ASB15: variants seen among roughly 807,000 people sequenced by gnomAD.
ASB15 encodes ankyrin repeat and SOCS box protein 15.
Under a neutral mutation model 58.0 loss-of-function variants are expected in ASB15, and 54 were observed. The ratio of observed to expected loss-of-function variants is 0.93; its 90% CI spans 0.75 to 1.17. The LOEUF (loss-of-function observed/expected upper bound fraction) is 1.17, where lower values mean the gene tolerates loss of function less well. Among genes scored for constraint, ASB15 ranks in the 50% most tolerant of loss-of-function variants. The probability of loss-of-function intolerance (pLI) is 0.00; values close to 1 mark genes in which losing one functional copy is unlikely to be tolerated. For synonymous variants in ASB15, 249 were observed against 262.4 expected, an observed-to-expected ratio of 0.95 and a Z score of 0.50; for missense variants, 680 against 707.4, an observed-to-expected ratio of 0.96 and a Z score of 0.44.
intron 1 of ASB15, among the ~76,000 whole-genome samples, chr7:123,592,571 C>T (rs1799570088): frequency 6.6e-6 from 1 of 152,196 alleles, no homozygotes; most frequent in Non-Finnish European, 1.5e-5. Context: ...GCAGGTTGTT[C>T]AGTTTCCATG....
chr7:123,577,703 G>A (rs1362319764), intron 1 of ASB15, among the ~76,000 whole-genome samples: 3 of 151,984 alleles, frequency 2.0e-5, no homozygotes, highest in African/African-American at 7.2e-5. Flanking sequence ...TCCGTTATTA[G>A]ATTTTCTTTG....
intron 4 of ASB15, among the ~76,000 whole-genome samples, chr7:123,615,790 G>C (rs1402017520): frequency 6.6e-6 from 1 of 152,114 alleles, no homozygotes; most frequent in African/African-American, 2.4e-5. Context: ...TGAGCATAGA[G>C]TGTTTAAAAT....
intron 8 of ASB15, chr7:123,625,052 G>T (rs569273209): frequency 1.0e-5 from 5 of 486,470 alleles, no homozygotes; most frequent in Middle Eastern, 5.8e-4. Flanking sequence ...TTGCTCTCTC[G>T]AGAGACAGTT....
At chr7:123,622,954 T>C (rs991149264) in intron 7 of ASB15, 3 of 152,186 alleles carry the variant, frequency 2.0e-5, no homozygotes, top group South Asian at 2.1e-4. Context: ...CATTACCACA[T>C]TGGGAGCTGC....
intron 11 of ASB15, among the ~76,000 whole-genome samples, chr7:123,633,556 A>T (rs941337437): frequency 3.3e-5 from 5 of 152,286 alleles, no homozygotes; most frequent in South Asian, 4.1e-4. Flanking sequence ...AGAAATAACA[A>T]TATAAACTCA....
chr7:123,568,783 G>A (rs1798828732), intron 1 of ASB15, among the ~76,000 whole-genome samples: 1 of 151,678 alleles, frequency 6.6e-6, no homozygotes, highest in African/African-American at 2.4e-5. Flanking sequence ...TCAACAAAAT[G>A]GTAACAAAAC....
Position 123,627,192 on chromosome 7 carries a change from C to A in ASB15, c.780C>A (p.Ser260=). The A allele has an allele frequency of 6.2e-7, 1 of 1,613,990 alleles. No individual in the cohort carries two copies. The highest frequency in any genetic ancestry group is 8.5e-7 in the Non-Finnish European group (1 of 1,179,936). Residue 260 remains serine (S), a synonymous_variant, in exon 9 of 12, where the codon TCC becomes TCA. Coordinates refer to ENST00000451215, the MANE Select transcript of ASB15 (RefSeq NM_001290258.2). ...GAGGTGGCAATCCCGACTGCATTTC[C>A]CTCCTGCTGGAATATGGAGGAAGCG... The part of the protein sequence containing the change: ...AAGGGNPDCI[S]LLLEYGGSGN...
chr7:123,599,604 A>G (rs903696801), upstream of ASB15, among the ~76,000 whole-genome samples: 18 of 152,168 alleles, frequency 1.2e-4, no homozygotes, highest in African/African-American at 4.3e-4. Context: ...CTGGAAATTC[A>G]CAAACAATGC....
intron 1 of ASB15, among the ~76,000 whole-genome samples, chr7:123,572,881 C>T (rs1798953115): frequency 6.6e-6 from 1 of 151,702 alleles, no homozygotes; most frequent in African/African-American, 2.4e-5. Flanking sequence ...TTATTTTATG[C>T]TATTTAATTA....
At chr7:123,623,926 GAAAGAAAA>G (rs1562935668) in intron 7 of ASB15, among the ~76,000 whole-genome samples, 1 of 69,898 alleles carries the variant, frequency 1.4e-5, no homozygotes, top group South Asian at 4.8e-4. Context: ...AAGGAAGAAA[GAAAGAAAA>G]GAAAGAAAGA....
chr7:123,624,581 G>A lies in ASB15; in HGVS notation c.464G>A (p.Gly155Asp). ...ETPLLIAVKKGSYDMVSTLIK... is the reference protein window; with the variant it reads ...ETPLLIAVKKDSYDMVSTLIK... ...AATCATTTTCAAGCTGTGAAAAAGG[G>A]CTCCTATGACATGGTGTCGACTCTG... Residue 155 changes from glycine to aspartate, a missense_variant, in exon 8 of 12, where the codon GGC becomes GAC. Transcript: ENST00000451215. The A allele has an allele frequency of 6.2e-7, 1 of 1,612,496 alleles. No individual in the cohort carries two copies. The highest frequency in any genetic ancestry group is 8.5e-7 in the Non-Finnish European group (1 of 1,178,590).
intron 1 of ASB15, among the ~76,000 whole-genome samples, chr7:123,575,095 C>A (rs1370517164): frequency 1.5e-5 from 2 of 129,112 alleles, no homozygotes; most frequent in South Asian, 2.4e-4. Flanking sequence ...TAAAAAATAT[C>A]TTTGCCTAGG....
At chr7:123,621,808 T>C (rs1801346933) in intron 7 of ASB15, among the ~76,000 whole-genome samples, 1 of 152,104 alleles carries the variant, frequency 6.6e-6, no homozygotes, top group African/African-American at 2.4e-5. Flanking sequence ...TTACTAAAGG[T>C]TTTTGCACTT....
At chr7:123,596,991 T>C (rs1799712980), upstream of ASB15, among the ~76,000 whole-genome samples, 4 of 152,222 alleles carry the variant, frequency 2.6e-5, no homozygotes, top group Admixed American at 2.0e-4. Context: ...TTAGCACTAC[T>C]GAGATATGTA....
chr7:123,616,138 A>G, intron 4 of ASB15, 83 bp from the exon 5 acceptor site: 2 of 1,160,368 alleles, frequency 1.7e-6, no homozygotes, highest in South Asian at 1.4e-5. Context: ...TAAGTTTAAA[A>G]ATGCAATATA....
intron 1 of ASB15, among the ~76,000 whole-genome samples, chr7:123,593,503 A>G (rs1305503526): frequency 6.6e-6 from 1 of 152,148 alleles, no homozygotes. Flanking sequence ...TTGTCTATAA[A>G]GGATTTTATT....
chr7:123,638,484 G>A lies in ASB15; in HGVS notation c.*1503G>A, dbSNP rs756554661. 2 of 152,092 alleles carry A rather than the reference G, an allele frequency of 1.3e-5. No homozygotes were observed. The highest frequency in any genetic ancestry group is 6.6e-5 in the Admixed American group (1 of 15,262). 9.4% of individuals were successfully genotyped at this position (152,092 alleles called of 1,614,324 possible). ...CTACTATCACCATCATTTCATAAAA[G>A]AGGGGTCATTTTAATGCCAGAAAGT... On this transcript the variant is annotated 3_prime_UTR_variant, in exon 12 of 12. Coordinates refer to ENST00000451215, the MANE Select transcript of ASB15 (RefSeq NM_001290258.2).
chr7:123,629,036 G>A lies in ASB15; in HGVS notation c.1042G>A (p.Asp348Asn), dbSNP rs781763479. 4.3e-6 allele frequency: 7 copies of A among 1,613,708 alleles called. No homozygotes were observed. The highest frequency in any genetic ancestry group is 3.3e-5 in the South Asian group (3 of 91,002). ...TGACCACATTTCCCAGAGCTATGAC[G>A]ATGAGAGGAAGACTGCGCTGTATTT... ...LADHISQSYDDERKTALYFGV... is the reference protein window; with the variant it reads ...LADHISQSYDNERKTALYFGV... Residue 348 changes from aspartate (D) to asparagine (N), a missense_variant, in exon 10 of 12, where the codon GAT (aspartate) becomes AAT (asparagine). Asp to Asn is a conservative substitution (Grantham distance 23, BLOSUM62 1). Coordinates refer to ENST00000451215, the MANE Select transcript of ASB15 (RefSeq NM_001290258.2).
At chr7:123,631,796 A>G (rs1802130062) in intron 11 of ASB15, among the ~76,000 whole-genome samples, 1 of 152,182 alleles carries the variant, frequency 6.6e-6, no homozygotes, top group South Asian at 2.1e-4. Context: ...AATGAGCAAC[A>G]GAGAGGGCGC....
Sources: allele counts gnomAD v4.1 joint callset (sites outside exome capture counted in the v4.1 genomes callset), GRCh38; gene constraint gnomAD v4.1.1; transcripts MANE v1.5; gene names NCBI Gene and HGNC (gene_info 2026-07-23, HGNC 2026-07-21).